OR1A1: variants seen among roughly 807,000 people sequenced by gnomAD.
The protein encoded by OR1A1 is olfactory receptor 1A1.
For missense variants in OR1A1, 391 were observed against 379.9 expected (o/e 1.03, Z -0.24); for synonymous variants, 145 against 147.8 (o/e 0.98, Z 0.13).
intron 3 of OR1A1, chr17:3,214,067 G>C (rs1237467819): frequency 6.6e-6 from 1 of 152,110 alleles, no homozygotes; most frequent in East Asian, 1.9e-4. Context: ...TTTAAAGGAA[G>C]AATCAACAAG....
Position 3,218,217 on chromosome 17 carries a change from A to G in OR1A1, c.*1667A>G, listed in dbSNP as rs2048480150. 6.6e-6 allele frequency: 1 copy of G among 152,246 alleles called. No individual in the cohort carries two copies. Among genetic ancestry groups the G allele is most frequent in the Non-Finnish European group, 1.5e-5 (1 of 68,048 alleles). 9.4% of individuals were successfully genotyped at this position (152,246 alleles called of 1,614,324 possible). On this transcript the variant is annotated 3_prime_UTR_variant, in exon 4 of 4. Transcript: ENST00000641732. ...AGAAATGCAAATCAAAACCACAATGAGACACCATCTCATGCCAGTTGGAAT... is the reference window on the plus strand; with the variant it reads ...AGAAATGCAAATCAAAACCACAATGGGACACCATCTCATGCCAGTTGGAAT...
chr17:3,212,319 T>C (rs1259852065), intron 2 of OR1A1, 148 bp from the exon 3 acceptor site: 1 of 152,244 alleles, frequency 6.6e-6, no homozygotes, highest in East Asian at 1.9e-4. Flanking sequence ...CACAGCATCC[T>C]CTATGGCTCA....
Position 3,216,126 on chromosome 17 carries a change from G to C in OR1A1, c.506G>C (p.Cys169Ser), listed in dbSNP as rs748307432. The change falls in exon 4 of 4, where the codon TGT becomes TCT. Residue 169 changes from cysteine (C) to serine (S), a missense_variant. Cys to Ser is a moderately radical substitution (Grantham distance 112). Coordinates refer to ENST00000641732, the MANE Select transcript of OR1A1 (RefSeq NM_014565.3). Reference sequence around the variant, plus strand: ...CTGCTCACAGCTAGTCTGTCCTTCTGTGGCAACCAGGAAGTGGCCAACTTC... The same window carrying C: ...CTGCTCACAGCTAGTCTGTCCTTCTCTGGCAACCAGGAAGTGGCCAACTTC... ...HTLLTASLSF[C>S]GNQEVANFYC... 6.2e-7 allele frequency: 1 copy of C among 1,614,142 alleles called. No individual in the cohort carries two copies. Among genetic ancestry groups the C allele is most frequent in the Non-Finnish European group, 8.5e-7 (1 of 1,180,028 alleles).
intron 2 of OR1A1, among the ~76,000 whole-genome samples, chr17:3,209,865 A>G (rs2048432833): frequency 1.3e-5 from 2 of 152,190 alleles, no homozygotes; most frequent in South Asian, 2.1e-4. Flanking sequence ...CCACTATTCT[A>G]TTGTTGATAG....
In OR1A1 at chr17:3,216,254, T is replaced by C. The variant is rs920870114; in HGVS notation, c.634T>C (p.Cys212Arg). Residue 212 changes from cysteine (C) to arginine (R), a missense_variant, in exon 4 of 4, where the codon TGC (cysteine) becomes CGC (arginine). By Grantham distance (180) the Cys-to-Arg change is radical. Transcript: ENST00000641732. ...GVGIFSVPLL[C>R]IIVSYIRVFS... ...TGGCATTTTCTCTGTGCCATTACTATGCATCATTGTCTCCTATATTCGAGT... is the reference window on the plus strand; with the variant it reads ...TGGCATTTTCTCTGTGCCATTACTACGCATCATTGTCTCCTATATTCGAGT... The C allele has an allele frequency of 1.2e-6, 2 of 1,614,242 alleles. No individual in the cohort carries two copies. The highest frequency in any genetic ancestry group is 2.2e-5 in the East Asian group (1 of 44,890).
chr17:3,211,233 G>A (rs1367920721), intron 2 of OR1A1, among the ~76,000 whole-genome samples: 4 of 152,094 alleles, frequency 2.6e-5, no homozygotes, highest in Admixed American at 6.6e-5. Flanking sequence ...CTATTACTCC[G>A]ATGTTTGAAT....
intron 2 of OR1A1, among the ~76,000 whole-genome samples, chr17:3,209,211 A>G (rs1431635336): frequency 6.6e-6 from 1 of 151,744 alleles, no homozygotes. Flanking sequence ...CGAGTCCCCA[A>G]AGTCCACTGT....
intron 2 of OR1A1, among the ~76,000 whole-genome samples, 169 bp from the exon 3 acceptor site, chr17:3,212,298 C>A (rs1567524711): frequency 6.6e-6 from 1 of 152,140 alleles, no homozygotes; most frequent in Non-Finnish European, 1.5e-5. Flanking sequence ...ATGGAGACCC[C>A]AAGGGGCCAC....
At position 3,215,224 on chromosome 17, in the gene OR1A1, C is replaced by T. The variant is rs112537625; in HGVS notation, c.-5-392C>T. 584 of 175,474 alleles carry T rather than the reference C, an allele frequency of 3.3e-3. 5 individuals carry two copies. The highest frequency in any genetic ancestry group is 0.012 in the African/African-American group (525 of 42,066). 10.9% of individuals were successfully genotyped at this position (175,474 alleles called of 1,614,324 possible). On this transcript the variant is annotated intron_variant, in intron 3 of 3. Coordinates refer to ENST00000641732, the MANE Select transcript of OR1A1 (RefSeq NM_014565.3). ...GTAAGGTCCTTGAGAACAGAGACCA[C>T]GTCTTGAATAAATAGATGAATAAAC...
chr17:3,210,790 G>A (rs2048437794), intron 2 of OR1A1, among the ~76,000 whole-genome samples: 1 of 152,046 alleles, frequency 6.6e-6, no homozygotes, highest in Non-Finnish European at 1.5e-5. Context: ...GTTTTTAGTA[G>A]AGATGGGGTT....
chr17:3,216,685 A>T lies in OR1A1; in HGVS notation c.*135A>T, dbSNP rs1276680607. On this transcript the variant is annotated 3_prime_UTR_variant, in exon 4 of 4. Transcript: ENST00000641732. ...AAATTCCTAATCTCAGAACTCTTATAACATTTTAATAAGTTAATAATAAGT... is the reference window on the plus strand; with the variant it reads ...AAATTCCTAATCTCAGAACTCTTATTACATTTTAATAAGTTAATAATAAGT... The T allele has an allele frequency of 7.7e-6, 5 of 648,872 alleles. No homozygotes were observed. The highest frequency in any genetic ancestry group is 1.3e-5 in the Non-Finnish European group (5 of 391,002). The allele number at this position is 648,872 out of a possible 1,614,324, so 40.2% of individuals were successfully genotyped here.
Position 3,215,834 on chromosome 17 carries a change from T to A in OR1A1, c.214T>A (p.Phe72Ile). The A allele has an allele frequency of 6.2e-7, 1 of 1,614,202 alleles. No individual in the cohort carries two copies. The highest frequency in any genetic ancestry group is 1.1e-5 in the South Asian group (1 of 91,072). ...LLANLSLVDI[F>I]FSSVTIPKML... is the part of the protein sequence containing the mutation. ...TGCCAACCTCTCCTTGGTTGACATC[T>A]TCTTCTCATCGGTAACCATCCCTAA... The change falls in exon 4 of 4, where the codon TTC becomes ATC. Residue 72 changes from phenylalanine (F) to isoleucine (I), a missense_variant. Phe to Ile is a conservative substitution (Grantham distance 21). Transcript: ENST00000641732.
Position 3,216,356 on chromosome 17 carries a change from G to A in OR1A1, c.736G>A (p.Val246Ile), listed in dbSNP as rs770503594. ...AFSTCGSHLT[V>I]VSLYYGTVMG... ...CTCCACCTGTGGTTCCCACCTCACGGTTGTCTCTTTGTATTATGGTACAGT... is the reference window on the plus strand; with the variant it reads ...CTCCACCTGTGGTTCCCACCTCACGATTGTCTCTTTGTATTATGGTACAGT... Residue 246 changes from valine to isoleucine, a missense_variant, in exon 4 of 4, where the codon GTT becomes ATT. Physicochemically the swap from Val to Ile is conservative, Grantham distance 29 (BLOSUM62 3). Coordinates refer to ENST00000641732, the MANE Select transcript of OR1A1 (RefSeq NM_014565.3). 6.2e-7 allele frequency: 1 copy of A among 1,614,120 alleles called. No individual in the cohort carries two copies. Among genetic ancestry groups the A allele is most frequent in the Non-Finnish European group, 8.5e-7 (1 of 1,180,032 alleles).
In OR1A1 at chr17:3,209,538, T is replaced by G. The variant is rs2048430750; in HGVS notation, c.-139+540T>G. Among the ~76,000 whole-genome samples, 4 of 152,286 alleles carry G rather than the reference T, an allele frequency of 2.6e-5. No homozygotes were observed. In the South Asian group the frequency reaches 8.3e-4, roughly 32 times the overall value. On this transcript the variant is annotated intron_variant, in intron 2 of 3. Transcript: ENST00000641732. ...TAGTACAATTCAATTTACCATATCT[T>G]TATGGGGTAACATGAGATGTTTTGA...
chr17:3,209,377 C>A lies in OR1A1; in HGVS notation c.-139+379C>A, dbSNP rs7222768. Among the ~76,000 whole-genome samples the A allele has an allele frequency of 3.9e-5, 6 of 152,032 alleles. No individual in the cohort carries two copies. The South Asian group carries it at 1.2e-3, about 32-fold the overall frequency. The stretch of plus-strand genomic sequence containing the variant: ...GTGGCTTATGCCGGGAATTTCAATA[C>A]TTTGGGAGGCTGAAGTGGGAGGATC... On this transcript the variant is annotated intron_variant, in intron 2 of 3. Transcript: ENST00000641732.
chr17:3,212,410 T>C (rs562029730), intron 2 of OR1A1, 57 bp from the exon 3 acceptor site: 3 of 152,192 alleles, frequency 2.0e-5, no homozygotes, highest in East Asian at 3.9e-4. Context: ...TTATGTGTTT[T>C]GGGTTTTTTT....
At position 3,218,676 on chromosome 17, in the gene OR1A1, AC is replaced by A. The variant is rs1567526713; in HGVS notation, c.*2128del. ...CAGCAAACTAACACAAGAAAAGAAAACCAAACACTGCACGTTCTCACTCATA... is the reference window on the plus strand; with the variant it reads ...CAGCAAACTAACACAAGAAAAGAAAACAAACACTGCACGTTCTCACTCATA... On this transcript the variant is annotated 3_prime_UTR_variant, in exon 4 of 4. Coordinates refer to ENST00000641732, the MANE Select transcript of OR1A1 (RefSeq NM_014565.3). 1 of 152,126 alleles carries A rather than the reference AC, an allele frequency of 6.6e-6. No homozygotes were observed. The highest frequency in any genetic ancestry group is 1.5e-5 in the Non-Finnish European group (1 of 68,032). 9.4% of individuals were successfully genotyped at this position (152,126 alleles called of 1,614,324 possible).
chr17:3,210,546 T>C (rs12602100), intron 2 of OR1A1, among the ~76,000 whole-genome samples: 38,143 of 152,128 alleles, frequency 0.25, 5,590 homozygotes, highest in East Asian at 0.57. Context: ...TCCTATGACT[T>C]GCCTGTTCAA....
chr17:3,215,579 T>C (rs1258441995), intron 3 of OR1A1, 37 bp from the exon 4 acceptor site: 7 of 1,424,310 alleles, frequency 4.9e-6, no homozygotes, highest in African/African-American at 1.4e-5. Flanking sequence ...GTAACTATGC[T>C]AATATAATGA....
Sources: gnomAD v4.1 joint callset for allele counts (sites outside exome capture counted in the v4.1 genomes callset) on GRCh38, gnomAD v4.1.1 for gene constraint, MANE v1.5 for transcripts, NCBI Gene and HGNC (gene_info 2026-07-23, HGNC 2026-07-21) for gene names.